TMEM65: variants seen among roughly 807,000 people sequenced by gnomAD.
TMEM65 encodes the protein transmembrane protein 65.
TMEM65 carries 22 observed loss-of-function variants against 25.4 expected under a neutral mutation model. The observed-to-expected ratio is 0.86, with a 90% confidence interval of 0.62 to 1.23. TMEM65 has a LOEUF of 1.23. Among genes scored for constraint, TMEM65 ranks in the 50% most tolerant of loss-of-function variants. The pLI is 0.00. For missense variants in TMEM65, 262 were observed against 308.2 expected, an observed-to-expected ratio of 0.85 and a Z score of 1.12; for synonymous variants, 132 against 126.2, an observed-to-expected ratio of 1.05 and a Z score of -0.31.
In TMEM65 at chr8:124,328,983, G is replaced by A. The variant is rs192128639; in HGVS notation, c.350-1562C>T. ...AGACCACGGGACAATACTATATACA[G>A]TATAAGAATACTATTATATTCAATA... On this transcript the variant is annotated intron_variant, in intron 2 of 6. Coordinates refer to ENST00000297632, the MANE Select transcript of TMEM65 (RefSeq NM_194291.3). Among the ~76,000 whole-genome samples, 16 of 151,698 alleles carry A rather than the reference G, an allele frequency of 1.1e-4. 1 individual carries two copies. In the South Asian group the frequency reaches 2.1e-3, roughly 20 times the overall value.
chr8:124,327,208 T>C, intron 3 of TMEM65, 146 bp downstream of exon 3: 1 of 596,562 alleles, frequency 1.7e-6, no homozygotes, highest in Non-Finnish European at 2.9e-6. Flanking sequence ...TTAATTAAAA[T>C]TGAGCTATAG....
In TMEM65 at chr8:124,371,936, G is replaced by A. The variant is rs760543032; in HGVS notation, c.222C>T (p.Asp74=). 1.1e-5 allele frequency: 17 copies of A among 1,526,124 alleles called. No homozygotes were observed. The highest frequency in any genetic ancestry group is 1.1e-5 in the Non-Finnish European group (12 of 1,140,562). The allele number at this position is 1,526,124 out of a possible 1,614,324, so 94.5% of individuals were successfully genotyped here. ...CCGTGGAGTGCAGGCTGTAGATGAA[G>A]TCGCGCGCGCCCTGCGCCGTGTTCA... is the stretch of plus-strand genomic sequence containing the variant. ...EALNTAQGAR[D]FIYSLHSTER... Residue 74 remains aspartate, a synonymous_variant, in exon 1 of 7, where the codon GAC becomes GAT. Coordinates refer to ENST00000297632, the MANE Select transcript of TMEM65 (RefSeq NM_194291.3).
chr8:124,366,148 G>A (rs1035305168), intron 1 of TMEM65, among the ~76,000 whole-genome samples: 8 of 152,170 alleles, frequency 5.3e-5, no homozygotes, highest in African/African-American at 1.9e-4. Context: ...CTTGAACCCG[G>A]GAGGCAGAGG....
At chr8:124,328,985 A>G (rs1310806110) in intron 2 of TMEM65, among the ~76,000 whole-genome samples, 1 of 152,060 alleles carries the variant, frequency 6.6e-6, no homozygotes, top group African/African-American at 2.4e-5. Context: ...TATATACAGT[A>G]TAAGAATACT....
intron 2 of TMEM65, among the ~76,000 whole-genome samples, chr8:124,329,694 T>C (rs1257939720): frequency 6.6e-6 from 1 of 151,920 alleles, no homozygotes; most frequent in Non-Finnish European, 1.5e-5. Flanking sequence ...TAAATAAACA[T>C]GTACAGAGCA....
chr8:124,351,925 C>T (rs1220554393), intron 1 of TMEM65, among the ~76,000 whole-genome samples: 1 of 152,196 alleles, frequency 6.6e-6, no homozygotes, highest in Non-Finnish European at 1.5e-5. Flanking sequence ...CTTGGCTGCG[C>T]TTTTATCTCT....
intron 1 of TMEM65, among the ~76,000 whole-genome samples, chr8:124,370,312 G>T (rs1221515918): frequency 1.3e-5 from 2 of 152,258 alleles, no homozygotes; most frequent in East Asian, 3.9e-4. Context: ...GAATTTCCAA[G>T]AAATTACTTG....
At chr8:124,326,410 T>A (rs1229558388) in intron 3 of TMEM65, among the ~76,000 whole-genome samples, 3 of 152,036 alleles carry the variant, frequency 2.0e-5, no homozygotes, top group Non-Finnish European at 4.4e-5. Flanking sequence ...AGTGAATAGT[T>A]TTTTGACTGA....
At chr8:124,314,630 ATTTAT>A (rs941420190) in intron 6 of TMEM65, among the ~76,000 whole-genome samples, 22 of 152,122 alleles carry the variant, frequency 1.4e-4, no homozygotes, top group African/African-American at 5.1e-4. Context: ...TTTCATTTTT[ATTTAT>A]TTTATTTGTT....
chr8:124,335,948 C>T lies in TMEM65; in HGVS notation c.305-5156G>A, dbSNP rs888425589. Among the ~76,000 whole-genome samples, 10 of 151,770 alleles carry T rather than the reference C, an allele frequency of 6.6e-5. No homozygotes were observed. In the South Asian group the frequency reaches 8.3e-4, roughly 13 times the overall value. On this transcript the variant is annotated intron_variant, in intron 1 of 6. Transcript: ENST00000297632. ...AATTAAAATGCAGAGACTACAAAAA[C>T]GAACAAAAAAAGTAAGACCCAACTA...
intron 1 of TMEM65, among the ~76,000 whole-genome samples, chr8:124,360,906 A>T (rs1814850339): frequency 6.6e-6 from 1 of 152,250 alleles, no homozygotes; most frequent in Admixed American, 6.5e-5. Flanking sequence ...GATAAATAAA[A>T]CTAGTTTTTA....
chr8:124,325,093 G>A (rs1001600198), intron 3 of TMEM65, among the ~76,000 whole-genome samples: 11 of 151,840 alleles, frequency 7.2e-5, no homozygotes, highest in African/African-American at 2.7e-4. Flanking sequence ...TCTATTACAA[G>A]AGGTTACACA....
In TMEM65 at chr8:124,343,795, A is replaced by C. The variant is rs951373738; in HGVS notation, c.305-13003T>G. 7.2e-5 allele frequency among the ~76,000 whole-genome samples: 11 copies of C among 152,300 alleles called. No homozygotes were observed. In the South Asian group the frequency reaches 2.3e-3, roughly 32 times the overall value. ...TGTTCCTTTTCTGTTTATATATGGC[A>C]AGATAATGTGATAATTAAGATTTCA... On this transcript the variant is annotated intron_variant, in intron 1 of 6. Coordinates refer to ENST00000297632, the MANE Select transcript of TMEM65 (RefSeq NM_194291.3).
intron 1 of TMEM65, among the ~76,000 whole-genome samples, chr8:124,368,467 A>T (rs1814969633): frequency 6.6e-6 from 1 of 152,158 alleles, no homozygotes; most frequent in Admixed American, 6.5e-5. Context: ...ACTCTCCCAC[A>T]ATGTGTCAGG....
chr8:124,334,779 AAAAG>A (rs1563593252), intron 1 of TMEM65, among the ~76,000 whole-genome samples: 1 of 150,240 alleles, frequency 6.7e-6, no homozygotes, highest in Non-Finnish European at 1.5e-5. Context: ...AAAAAAAAAA[AAAAG>A]AAAGAAAATT....
rs1354261214 is a variant in TMEM65, at chr8:124,312,513, G to C, written c.*1447C>G. 1 of 149,744 alleles carries C rather than the reference G, an allele frequency of 6.7e-6. No homozygotes were observed. The highest frequency in any genetic ancestry group is 1.5e-5 in the Non-Finnish European group (1 of 67,350). 9.3% of individuals were successfully genotyped at this position (149,744 alleles called of 1,614,324 possible). A position where few individuals can be genotyped will look rare whatever the true frequency, so the allele number is the denominator to read the frequency against. The stretch of plus-strand genomic sequence containing the variant: ...GCTGTAAAACCTCTGCATCTATTTA[G>C]CAACACAAATAACTTCAAAAGCCAA... On this transcript the variant is annotated 3_prime_UTR_variant, in exon 7 of 7. Transcript: ENST00000297632.
At chr8:124,370,391 C>T (rs901983416) in intron 1 of TMEM65, among the ~76,000 whole-genome samples, 1 of 152,164 alleles carries the variant, frequency 6.6e-6, no homozygotes, top group African/African-American at 2.4e-5. Flanking sequence ...TGTTCTAGTA[C>T]ATGACTGACT....
rs549804515 is a variant in TMEM65, at chr8:124,338,317, T to C, written c.305-7525A>G. On this transcript the variant is annotated intron_variant, in intron 1 of 6. Transcript: ENST00000297632. ...ATAACATTAATTTGTACCTAAATTA[T>C]TTTGCACTGCTCTGAAAATTCCTTA... 7.3e-5 allele frequency among the ~76,000 whole-genome samples: 11 copies of C among 151,070 alleles called. No individual in the cohort carries two copies. The Admixed American group carries it at 7.3e-4, about 10-fold the overall frequency.
At chr8:124,368,492 C>G in intron 1 of TMEM65, among the ~76,000 whole-genome samples, 1 of 152,212 alleles carries the variant, frequency 6.6e-6, no homozygotes, top group East Asian at 1.9e-4. Context: ...AAGAGATGGA[C>G]TGTCACTACT....
Sources: gnomAD v4.1 joint callset for allele counts (sites outside exome capture counted in the v4.1 genomes callset) on GRCh38, gnomAD v4.1.1 for gene constraint, MANE v1.5 for transcripts, NCBI Gene and HGNC (gene_info 2026-07-23, HGNC 2026-07-21) for gene names.